FMR1: variants seen among roughly 807,000 people sequenced by gnomAD.
The protein encoded by FMR1 is FMRP translational regulator 1.
In FMR1, 13 loss-of-function variants were observed where a neutral mutation model predicts 50.6. The observed-to-expected ratio is 0.26, with a 90% confidence interval of 0.17 to 0.41. The LOEUF is 0.41. Ranked by LOEUF, FMR1 falls within the 10% of genes least tolerant of loss-of-function variation. The pLI is 1.00. For synonymous variants in FMR1, 138 were observed against 164.1 expected, an observed-to-expected ratio of 0.84 and a Z score of 1.22; for missense variants, 316 against 491.3, an observed-to-expected ratio of 0.64 and a Z score of 3.37.
At chrX:147,938,534 C>G (rs1269404179) in intron 12 of FMR1, among the ~76,000 whole-genome samples, 1 of 111,691 alleles carries the variant, frequency 9.0e-6, no homozygotes, top group Non-Finnish European at 1.9e-5. Flanking sequence ...TGACCTTATT[C>G]CTTACAAAGC....
Position 147,948,892 on chromosome X carries a change from T to C in FMR1, c.*48T>C, listed in dbSNP as rs782133722. On this transcript the variant is annotated 3_prime_UTR_variant, in exon 17 of 17. Transcript: ENST00000370475. ...TTTCCTATACCATTTCCGTAATTCT[T>C]ATTCCATATTAGAAAACTTTGTTAG... The C allele has an allele frequency of 7.0e-6, 8 of 1,150,017 alleles. No individual in the cohort carries two copies. Among genetic ancestry groups the C allele is most frequent in the Non-Finnish European group, 8.3e-6 (7 of 839,937 alleles). The allele number at this position is 1,150,017 out of a possible 1,213,427, so 94.8% of individuals were successfully genotyped here. A position where few individuals can be genotyped will look rare whatever the true frequency, so the allele number is the denominator to read the frequency against.
At chrX:147,913,008 G>A (rs1411493052) in intron 1 of FMR1, 1 of 252,631 alleles carries the variant, frequency 4.0e-6, no homozygotes, top group Non-Finnish European at 7.0e-6. Context: ...CATTAGCAGC[G>A]CTGCTACTTA....
At chrX:147,933,042 C>T (rs1557179043) in intron 9 of FMR1, among the ~76,000 whole-genome samples, 1 of 71,552 alleles carries the variant, frequency 1.4e-5, no homozygotes, top group African/African-American at 5.3e-5. Flanking sequence ...GCTATCCCTC[C>T]CCCCTCCCCC....
At position 147,912,111 on chromosome X, in the gene FMR1, C is replaced by CGGCGGCGGCGGCGGCGGCGGCGGCGGT. The variant is rs1569545102; in HGVS notation, c.-69_-68insGGCGGCGGCGGCGGCGGCGGCGGCGGT. On this transcript the variant is annotated 5_prime_UTR_variant, in exon 1 of 17. Coordinates refer to ENST00000370475, the MANE Select transcript of FMR1 (RefSeq NM_002024.6). The stretch of plus-strand genomic sequence containing the variant: ...GCGGCGGCGGCGGCGGCGGCGGCGG[C>CGGCGGCGGCGGCGGCGGCGGCGGCGGT]TGGGCCTCGAGCGCCCGCAGCCCAC... The CGGCGGCGGCGGCGGCGGCGGCGGCGGT allele has an allele frequency of 7.6e-6, 5 of 655,303 alleles. No individual in the cohort carries two copies. The African/African-American group carries it at 2.4e-4, about 31-fold the overall frequency. The allele number at this position is 655,303 out of a possible 1,213,427, so 54.0% of individuals were successfully genotyped here.
chrX:147,944,123 C>T (rs1307061583), intron 14 of FMR1: 1 of 750,804 alleles, frequency 1.3e-6, no homozygotes, highest in East Asian at 1.5e-4. Context: ...TAAGGCCAAC[C>T]TTGAACCTAA....
intron 12 of FMR1, 68 bp downstream of exon 12, chrX:147,938,229 A>G (rs1557180043): frequency 6.8e-6 from 6 of 883,207 alleles, no homozygotes; most frequent in African/African-American, 3.9e-5. Context: ...CTTGTTAACA[A>G]AGATTACAAA....
intron 16 of FMR1, chrX:147,947,103 A>G (rs1557182117): frequency 9.7e-6 from 1 of 103,045 alleles, no homozygotes; most frequent in Non-Finnish European, 2.0e-5. Flanking sequence ...TGTTTTCTCT[A>G]TTAAGTATGA....
intron 3 of FMR1, 122 bp from the exon 4 acceptor site, chrX:147,928,200 A>G (rs2043456628): frequency 1.2e-5 from 7 of 588,007 alleles, no homozygotes; most frequent in Non-Finnish European, 2.0e-5. Flanking sequence ...TTGAGGATAT[A>G]TGACATGTGG....
chrX:147,912,582 T>TC (rs2042637332), intron 1 of FMR1: 1 of 303,412 alleles, frequency 3.3e-6, no homozygotes, highest in African/African-American at 2.7e-5. Flanking sequence ...GATGGCTTAT[T>TC]CCCCCTTTCC....
chrX:147,932,375 T>C (rs1433417410), intron 7 of FMR1, 50 bp from the exon 8 acceptor site: 1 of 1,125,247 alleles, frequency 8.9e-7, no homozygotes, highest in African/African-American at 1.8e-5. Flanking sequence ...TAAATACAGT[T>C]GTCGTAATAG....
chrX:147,917,336 A>G (rs1557175426), intron 1 of FMR1, among the ~76,000 whole-genome samples: 1 of 112,216 alleles, frequency 8.9e-6, no homozygotes, highest in Admixed American at 9.4e-5. Flanking sequence ...ATGTTTGAAT[A>G]GATAGCTCTA....
Position 147,930,241 on chromosome X carries a change from G to A in FMR1, c.627G>A (p.Leu209=), listed in dbSNP as rs781923644. ...IMRNEEASKQ[L]ESSRQLASRF... is the part of the protein sequence containing the mutation. ...GAAATGAAGAAGCTAGTAAGCAGCTGGAGGTATGTCACTTTCCCTAGCACT... is the reference window on the plus strand; with the variant it reads ...GAAATGAAGAAGCTAGTAAGCAGCTAGAGGTATGTCACTTTCCCTAGCACT... The change falls in exon 7 of 17, where the codon CTG becomes CTA. Residue 209 remains leucine, a synonymous_variant. Coordinates refer to ENST00000370475, the MANE Select transcript of FMR1 (RefSeq NM_002024.6). 12 of 1,136,640 alleles carry A rather than the reference G, an allele frequency of 1.1e-5. No homozygotes were observed. Among genetic ancestry groups the A allele is most frequent in the Non-Finnish European group, 1.5e-5 (12 of 827,117 alleles). 93.7% of individuals were successfully genotyped at this position (1,136,640 alleles called of 1,213,427 possible).
Position 147,921,461 on chromosome X carries a change from G to GTATA in FMR1, c.52-459_52-456dup, listed in dbSNP as rs782412079. Among the ~76,000 whole-genome samples the GTATA allele has an allele frequency of 2.8e-3, 301 of 107,533 alleles. 2 individuals carry two copies. The highest frequency in any genetic ancestry group is 6.3e-3 in the African/African-American group (186 of 29,514). 93.4% of individuals were successfully genotyped at this position (107,533 alleles called of 115,157 possible). ...GAAAGTTTAGTATATTTGTGTGTGC[G>GTATA]TATATATATATATATAGATAGATAG... On this transcript the variant is annotated intron_variant, in intron 1 of 16. Transcript: ENST00000370475.
At chrX:147,922,301 G>C (rs2043208433) in intron 2 of FMR1, among the ~76,000 whole-genome samples, 1 of 111,846 alleles carries the variant, frequency 8.9e-6, no homozygotes, top group Non-Finnish European at 1.9e-5. Context: ...ATTTTAAAAA[G>C]ATAGTAATGA....
intron 3 of FMR1, 57 bp from the exon 4 acceptor site, chrX:147,928,265 T>C: frequency 1.9e-6 from 2 of 1,058,851 alleles, no homozygotes; most frequent in Non-Finnish European, 2.6e-6. Flanking sequence ...TCTGAAAATC[T>C]GTAGATTTCA....
intron 13 of FMR1, among the ~76,000 whole-genome samples, chrX:147,941,712 G>A (rs1569545982): frequency 0.011 from 1 of 90 alleles, no homozygotes; most frequent in African/African-American, 0.029. Flanking sequence ...CTCTCTGTGT[G>A]TGTGTCTCTC....
intron 9 of FMR1, among the ~76,000 whole-genome samples, chrX:147,934,930 A>G (rs782752230): frequency 8.9e-6 from 1 of 111,745 alleles, no homozygotes; most frequent in African/African-American, 3.2e-5. Flanking sequence ...GCACTAATTT[A>G]TCTTTTCATT....
Position 147,938,878 on chromosome X carries a change from C to G in FMR1, c.1188+717C>G, listed in dbSNP as rs184420507. On this transcript the variant is annotated intron_variant, in intron 12 of 16. Transcript: ENST00000370475. ...TTCTGGGGTCCGTACTAAAGGCCAT[C>G]ATTCCATTCTTGCCTTTCTTCATTT... is the stretch of plus-strand genomic sequence containing the variant. Among the ~76,000 whole-genome samples the G allele has an allele frequency of 3.2e-3, 355 of 111,906 alleles. 2 individuals carry two copies. The highest frequency in any genetic ancestry group is 4.5e-3 in the Non-Finnish European group (240 of 53,176).
At position 147,912,049 on chromosome X, in the gene FMR1, CGCGGCGGCGGCGGCGGCG is replaced by C. The variant is rs193922936; in HGVS notation, c.-117_-100del. The C allele has an allele frequency of 9.4e-5, 4 of 42,424 alleles. No individual in the cohort carries two copies. The highest frequency in any genetic ancestry group is 1.6e-4 in the Non-Finnish European group (4 of 25,106). The allele number at this position is 42,424 out of a possible 1,213,427, so 3.5% of individuals were successfully genotyped here. ...GCCGCTGCCAGGGGGCGTGCGGCAG[CGCGGCGGCGGCGGCGGCG>C]GCGGCGGCGGCGGAGGCGGCGGCGG... On this transcript the variant is annotated 5_prime_UTR_variant, in exon 1 of 17. Coordinates refer to ENST00000370475, the MANE Select transcript of FMR1 (RefSeq NM_002024.6).
Sources: allele counts gnomAD v4.1 joint callset (sites outside exome capture counted in the v4.1 genomes callset), GRCh38; gene constraint gnomAD v4.1.1; transcripts MANE v1.5; gene names NCBI Gene and HGNC (gene_info 2026-07-23, HGNC 2026-07-21).